The following CRISPLD1 variants were observed in gnomAD, a reference collection of about 807,000 sequenced individuals.
CRISPLD1 encodes the protein cysteine rich secretory protein LCCL domain containing 1.
CRISPLD1 carries 60 observed loss-of-function variants against 77.5 expected under a neutral mutation model. The observed-to-expected ratio is 0.77, with a 90% confidence interval of 0.63 to 0.96. The LOEUF (loss-of-function observed/expected upper bound fraction) is 0.96. CRISPLD1 is among the 40% of genes least tolerant of loss of function. The pLI is 0.00. For missense variants in CRISPLD1, 623 were observed against 615.8 expected, an observed-to-expected ratio of 1.01 and a Z score of -0.12; for synonymous variants, 195 against 200.1, an observed-to-expected ratio of 0.97 and a Z score of 0.22.
Position 75,032,911 on chromosome 8 carries a change from A to G in CRISPLD1, c.*669A>G, listed in dbSNP as rs1170872316. The G allele has an allele frequency of 1.3e-5, 2 of 152,034 alleles. No homozygotes were observed. The highest frequency in any genetic ancestry group is 1.9e-4 in the East Asian group (1 of 5,182). The allele number at this position is 152,034 out of a possible 1,614,324, so 9.4% of individuals were successfully genotyped here. A position where few individuals can be genotyped will look rare whatever the true frequency, so the allele number is the denominator to read the frequency against. On this transcript the variant is annotated 3_prime_UTR_variant, in exon 15 of 15. Coordinates refer to ENST00000262207, the MANE Select transcript of CRISPLD1 (RefSeq NM_031461.6). ...AGAGTGGTGGTATGAAAACATTCCTAGTGATCATGTAGTAAATGTAGGGTT... is the reference window on the plus strand; with the variant it reads ...AGAGTGGTGGTATGAAAACATTCCTGGTGATCATGTAGTAAATGTAGGGTT...
At chr8:74,999,023 A>G (rs1227587465) in intron 2 of CRISPLD1, among the ~76,000 whole-genome samples, 1 of 152,150 alleles carries the variant, frequency 6.6e-6, no homozygotes, top group African/African-American at 2.4e-5. Context: ...TGCAGATTGA[A>G]TGCTAAGTAC....
At position 74,986,246 on chromosome 8, in the gene CRISPLD1, G is replaced by C; in HGVS notation, c.258+1G>C. The C allele has an allele frequency of 6.2e-7, 1 of 1,613,196 alleles. No individual in the cohort carries two copies. The highest frequency in any genetic ancestry group is 8.5e-7 in the Non-Finnish European group (1 of 1,179,240). On this transcript the variant is annotated splice_donor_variant, in intron 2 of 14. Transcript: ENST00000262207. LOFTEE classifies it high-confidence loss of function. The stretch of plus-strand genomic sequence containing the variant: ...AACAGCCTCTAATATGGAGTATATG[G>C]TAAGGACATTTTTCAAGTGGTATGT...
chr8:75,025,378 A>G (rs796638056), intron 12 of CRISPLD1, among the ~76,000 whole-genome samples, 168 bp from the exon 13 acceptor site: 32 of 152,162 alleles, frequency 2.1e-4, no homozygotes, highest in African/African-American at 7.2e-4. Flanking sequence ...AACAGAAGCA[A>G]TTGTGTCTAC....
rs143958971 is a variant in CRISPLD1, at chr8:75,015,775, C to T, written c.728-790C>T. ...TAAGCCATTTTAAAATTCCTAGAAG[C>T]GTTTGCAGCATTTTTTCCTTGTGTG... is the stretch of plus-strand genomic sequence containing the variant. On this transcript the variant is annotated intron_variant, in intron 6 of 14. Transcript: ENST00000262207. Among the ~76,000 whole-genome samples, 843 of 152,106 alleles carry T rather than the reference C, an allele frequency of 5.5e-3. 24 individuals are homozygous for T. In the East Asian group the frequency reaches 0.085, roughly 15 times the overall value.
At chr8:74,985,524 A>G (rs1180848619) in intron 1 of CRISPLD1, among the ~76,000 whole-genome samples, 1 of 152,224 alleles carries the variant, frequency 6.6e-6, no homozygotes, top group African/African-American at 2.4e-5. Flanking sequence ...AAAACTCTTC[A>G]TAGAGAAACA....
intron 14 of CRISPLD1, among the ~76,000 whole-genome samples, chr8:75,030,583 A>C (rs535245535): frequency 2.6e-5 from 4 of 152,180 alleles, no homozygotes; most frequent in Admixed American, 1.3e-4. Flanking sequence ...TTGAGTACCT[A>C]CTATGAATAT....
rs1254923249 is a variant in CRISPLD1 at position 75,012,801 on chromosome 8, T to C, written c.378-89T>C. 3.5e-6 allele frequency: 5 copies of C among 1,427,040 alleles called. No individual in the cohort carries two copies. The African/African-American group carries it at 7.1e-5, about 20-fold the overall frequency. The allele number at this position is 1,427,040 out of a possible 1,614,324, so 88.4% of individuals were successfully genotyped here. A position where few individuals can be genotyped will look rare whatever the true frequency, so the allele number is the denominator to read the frequency against. The stretch of plus-strand genomic sequence containing the variant: ...AATAGTTTACGCCAAAGTGTCTTTC[T>C]ACCAAATTATACCAATGTATTTTGC... On this transcript the variant is annotated intron_variant, in intron 3 of 14. Transcript: ENST00000262207.
rs1587019529 is a variant in CRISPLD1 at position 75,015,005 on chromosome 8, A to G, written c.727+93A>G. ...TTTAAAAAAGCCAGAAGTGCACTTA[A>G]TGATCACACGAAAAGTATCTAGAAC... On this transcript the variant is annotated intron_variant, in intron 6 of 14. Transcript: ENST00000262207. The G allele has an allele frequency of 2.7e-5, 18 of 678,348 alleles. No homozygotes were observed. In the East Asian group the frequency reaches 5.7e-4, roughly 21 times the overall value. 42.0% of individuals were successfully genotyped at this position (678,348 alleles called of 1,614,324 possible). A position where few individuals can be genotyped will look rare whatever the true frequency, so the allele number is the denominator to read the frequency against.
chr8:74,992,044 G>A (rs1260499384), intron 2 of CRISPLD1, among the ~76,000 whole-genome samples: 1 of 152,152 alleles, frequency 6.6e-6, no homozygotes, highest in Non-Finnish European at 1.5e-5. Context: ...TTATAACTAA[G>A]CTTGGTGAAT....
rs768307618 is a variant in CRISPLD1, at chr8:75,029,393, A to C, written c.1327A>C (p.Ser443Arg). The change falls in exon 14 of 15, where the codon AGT becomes CGT. Residue 443 changes from serine to arginine, a missense_variant. By Grantham distance (110) the Ser-to-Arg change is moderately radical. Transcript: ENST00000262207. ...IGTRVYSDLS[S>R]ICRAAVHAGV... Reference sequence around the variant, plus strand: ...TGTTTCTTTACCTTCTCAGCTGTCCAGTATCTGCAGAGCAGCAGTACATGC... The same window carrying C: ...TGTTTCTTTACCTTCTCAGCTGTCCCGTATCTGCAGAGCAGCAGTACATGC... 1.2e-6 allele frequency: 2 copies of C among 1,612,218 alleles called. No homozygotes were observed. The highest frequency in any genetic ancestry group is 2.7e-5 in the African/African-American group (2 of 74,824).
rs1362679035 is a variant in CRISPLD1, at chr8:74,984,921, G to T, written c.-63+1G>T. 1 of 152,142 alleles carries T rather than the reference G, an allele frequency of 6.6e-6. No individual in the cohort carries two copies. The allele number at this position is 152,142 out of a possible 1,614,324, so 9.4% of individuals were successfully genotyped here. ...TCCCAGGAAACTTCACACTGGAGAG[G>T]TAAGGGCGATTCTAAAATGCATCGC... On this transcript the variant is annotated splice_donor_variant, in intron 1 of 14. Coordinates refer to ENST00000262207, the MANE Select transcript of CRISPLD1 (RefSeq NM_031461.6). LOFTEE classifies it low-confidence loss of function (5UTR_SPLICE).
At chr8:75,005,105 C>G (rs1050638289) in intron 2 of CRISPLD1, among the ~76,000 whole-genome samples, 15 of 152,080 alleles carry the variant, frequency 9.9e-5, no homozygotes, top group African/African-American at 3.4e-4. Flanking sequence ...GCTTCTCAAA[C>G]AGCAGTTTGA....
chr8:75,005,311 T>G (rs1240848695), intron 2 of CRISPLD1, among the ~76,000 whole-genome samples: 1 of 152,128 alleles, frequency 6.6e-6, no homozygotes, highest in Non-Finnish European at 1.5e-5. Context: ...TCGATTTAAG[T>G]ACAAAAGAAT....
At chr8:75,012,803 C>T in intron 3 of CRISPLD1, 87 bp from the exon 4 acceptor site, 1 of 1,439,412 alleles carries the variant, frequency 6.9e-7, no homozygotes, top group Non-Finnish European at 9.4e-7. Context: ...TGTCTTTCTA[C>T]CAAATTATAC....
At chr8:74,985,661 A>G (rs929426864) in intron 1 of CRISPLD1, among the ~76,000 whole-genome samples, 1 of 151,606 alleles carries the variant, frequency 6.6e-6, no homozygotes, top group Non-Finnish European at 1.5e-5. Flanking sequence ...CTTCTAGGCT[A>G]CTTTTGCCAT....
Position 75,033,724 on chromosome 8 carries a change from A to C in CRISPLD1, c.*1482A>C, listed in dbSNP as rs1587037487. 6.6e-6 allele frequency: 1 copy of C among 152,188 alleles called. No individual in the cohort carries two copies. The highest frequency in any genetic ancestry group is 1.9e-4 in the East Asian group (1 of 5,188). The allele number at this position is 152,188 out of a possible 1,614,324, so 9.4% of individuals were successfully genotyped here. A position where few individuals can be genotyped will look rare whatever the true frequency, so the allele number is the denominator to read the frequency against. ...ACAAAAGAAAAAGAAGAAGGTTCACATAAATAGCTTCTGGAGTGCAAATTA... is the reference window on the plus strand; with the variant it reads ...ACAAAAGAAAAAGAAGAAGGTTCACCTAAATAGCTTCTGGAGTGCAAATTA... On this transcript the variant is annotated 3_prime_UTR_variant, in exon 15 of 15. Coordinates refer to ENST00000262207, the MANE Select transcript of CRISPLD1 (RefSeq NM_031461.6).
At chr8:74,987,213 G>A (rs187090013) in intron 2 of CRISPLD1, among the ~76,000 whole-genome samples, 323 of 152,172 alleles carry the variant, frequency 2.1e-3, no homozygotes, top group Middle Eastern at 6.8e-3. Context: ...ATAAAGTATG[G>A]CATTACACTA....
chr8:74,998,175 C>T (rs1341579239), intron 2 of CRISPLD1, among the ~76,000 whole-genome samples: 2 of 152,016 alleles, frequency 1.3e-5, no homozygotes, highest in South Asian at 2.1e-4. Context: ...ATGAAGAAAA[C>T]AGAAGGGAAT....
Position 75,029,393 on chromosome 8 carries a change from A to T in CRISPLD1, c.1327A>T (p.Ser443Cys). Residue 443 changes from serine to cysteine, a missense_variant, in exon 14 of 15, where the codon AGT becomes TGT. By Grantham distance (112) the Ser-to-Cys change is moderately radical. Transcript: ENST00000262207. Reference protein sequence around the residue: ...IGTRVYSDLSSICRAAVHAGV... With the variant: ...IGTRVYSDLSCICRAAVHAGV... ...TGTTTCTTTACCTTCTCAGCTGTCC[A>T]GTATCTGCAGAGCAGCAGTACATGC... 1 of 1,612,336 alleles carries T rather than the reference A, an allele frequency of 6.2e-7. No homozygotes were observed. The highest frequency in any genetic ancestry group is 8.5e-7 in the Non-Finnish European group (1 of 1,179,250).
Sources: allele counts gnomAD v4.1 joint callset (sites outside exome capture counted in the v4.1 genomes callset), GRCh38; gene constraint gnomAD v4.1.1; transcripts MANE v1.5; gene names NCBI Gene and HGNC (gene_info 2026-07-23, HGNC 2026-07-21).